TEAD1: variants seen among roughly 807,000 people sequenced by gnomAD.
The protein encoded by TEAD1 is TEA domain transcription factor 1.
In TEAD1, 9 loss-of-function variants were observed where a neutral mutation model predicts 54.9. That is an observed-to-expected ratio of 0.16 (90% CI 0.10 to 0.29). The LOEUF is 0.29. TEAD1 is among the 10% of genes least tolerant of loss of function. TEAD1 has a pLI of 1.00. For synonymous variants in TEAD1, 200 were observed against 187.8 expected (o/e 1.07, Z -0.53); for missense variants, 387 against 535.9 (o/e 0.72, Z 2.74).
intron 2 of TEAD1, among the ~76,000 whole-genome samples, chr11:12,757,850 G>T (rs1945014449): frequency 6.6e-6 from 1 of 152,062 alleles, no homozygotes; most frequent in African/African-American, 2.4e-5. Flanking sequence ...CCTGATCTTG[G>T]CTCACTGCTA....
At chr11:12,675,078 C>T (rs991337212) in intron 1 of TEAD1, among the ~76,000 whole-genome samples, 12 of 146,610 alleles carry the variant, frequency 8.2e-5, no homozygotes, top group African/African-American at 2.4e-4. Flanking sequence ...GCGCTGGGAG[C>T]CCGCGCGGCA....
chr11:12,722,519 A>G (rs1205149196), intron 2 of TEAD1, among the ~76,000 whole-genome samples: 2 of 152,218 alleles, frequency 1.3e-5, no homozygotes, highest in South Asian at 2.1e-4. Flanking sequence ...AGAGTATAGG[A>G]TAGAGACTCT....
intron 11 of TEAD1, among the ~76,000 whole-genome samples, chr11:12,929,042 G>T (rs1260676014): frequency 4.6e-5 from 7 of 152,144 alleles, no homozygotes; most frequent in Non-Finnish European, 1.0e-4. Context: ...CTTGTTAGTT[G>T]TGGTCATTTC....
chr11:12,861,048 C>T (rs1947490256), intron 3 of TEAD1, among the ~76,000 whole-genome samples: 1 of 152,196 alleles, frequency 6.6e-6, no homozygotes, highest in African/African-American at 2.4e-5. Context: ...TGAGCTGATA[C>T]AAAGCCAGCC....
At chr11:12,752,386 A>G (rs1944893437) in intron 2 of TEAD1, among the ~76,000 whole-genome samples, 1 of 152,076 alleles carries the variant, frequency 6.6e-6, no homozygotes, top group Admixed American at 6.6e-5. Flanking sequence ...CACTGACATG[A>G]CCAGAACCTC....
chr11:12,820,027 A>C (rs980150101), intron 3 of TEAD1, among the ~76,000 whole-genome samples: 4 of 8,882 alleles, frequency 4.5e-4, no homozygotes, highest in African/African-American at 2.0e-3. Flanking sequence ...GGCCTGGGGC[A>C]GGGAGTTGTG....
chr11:12,724,490 AGAG>A (rs1414162344), intron 2 of TEAD1, among the ~76,000 whole-genome samples: 7 of 152,206 alleles, frequency 4.6e-5, no homozygotes, highest in African/African-American at 1.4e-4. Context: ...TTTGTAATGA[AGAG>A]GGGCAGGCCG....
intron 2 of TEAD1, among the ~76,000 whole-genome samples, chr11:12,714,515 C>CT (rs1944013254): frequency 6.6e-6 from 1 of 152,154 alleles, no homozygotes; most frequent in Non-Finnish European, 1.5e-5. Context: ...GTTGTTTTGG[C>CT]TTTGTTAAAT....
At chr11:12,928,377 G>T (rs1948941819) in intron 11 of TEAD1, among the ~76,000 whole-genome samples, 1 of 151,506 alleles carries the variant, frequency 6.6e-6, no homozygotes, top group Non-Finnish European at 1.5e-5. Flanking sequence ...GCCTCACTGG[G>T]CTCAAGCAAT....
chr11:12,794,351 G>A (rs1336415348), intron 3 of TEAD1, among the ~76,000 whole-genome samples: 1 of 152,172 alleles, frequency 6.6e-6, no homozygotes, highest in Non-Finnish European at 1.5e-5. Flanking sequence ...CAAATTAATG[G>A]GGCTGGAGTG....
chr11:12,866,096 G>C (rs1486988768), intron 5 of TEAD1, among the ~76,000 whole-genome samples: 1 of 152,190 alleles, frequency 6.6e-6, no homozygotes, highest in African/African-American at 2.4e-5. Flanking sequence ...TCGCTCGCAC[G>C]TGTGGCTGAT....
intron 10 of TEAD1, among the ~76,000 whole-genome samples, chr11:12,916,862 G>A (rs1948722972): frequency 6.6e-6 from 1 of 152,200 alleles, no homozygotes. Context: ...TGGGTGAGGA[G>A]GAGGAGAGGA....
chr11:12,798,728 C>T (rs773206097), intron 3 of TEAD1, among the ~76,000 whole-genome samples: 1 of 152,274 alleles, frequency 6.6e-6, no homozygotes, highest in Non-Finnish European at 1.5e-5. Flanking sequence ...CAAATCAGCA[C>T]TGGTCTTTCC....
intron 5 of TEAD1, among the ~76,000 whole-genome samples, chr11:12,872,773 G>C (rs901435756): frequency 6.6e-6 from 1 of 152,146 alleles, no homozygotes; most frequent in South Asian, 2.1e-4. Flanking sequence ...TATCCAAAAG[G>C]TTATCTAGTG....
chr11:12,754,443 C>G (rs1343414886), intron 2 of TEAD1, among the ~76,000 whole-genome samples: 1 of 152,148 alleles, frequency 6.6e-6, no homozygotes, highest in Non-Finnish European at 1.5e-5. Context: ...TAAAGGCAGA[C>G]CAGATCTGAC....
At chr11:12,904,765 A>G (rs1852968145) in intron 10 of TEAD1, 2 of 230,496 alleles carry the variant, frequency 8.7e-6, no homozygotes, top group South Asian at 1.1e-4. Flanking sequence ...GAAAATATAG[A>G]TATAACCTGT....
chr11:12,840,878 T>C (rs1340689088), intron 3 of TEAD1, among the ~76,000 whole-genome samples: 1 of 152,218 alleles, frequency 6.6e-6, no homozygotes, highest in African/African-American at 2.4e-5. Context: ...ATTGCTTTTA[T>C]AGGGAGAGTT....
chr11:12,812,623 T>C (rs750794108), intron 3 of TEAD1, among the ~76,000 whole-genome samples: 4 of 152,218 alleles, frequency 2.6e-5, no homozygotes, highest in African/African-American at 7.2e-5. Flanking sequence ...AGATAGAATA[T>C]CTAATATAAA....
chr11:12,912,605 A>G (rs1948636777), intron 10 of TEAD1, among the ~76,000 whole-genome samples: 2 of 152,268 alleles, frequency 1.3e-5, no homozygotes, highest in African/African-American at 2.4e-5. Context: ...TCACTTCAAA[A>G]GACCATACCT....
Sources: gnomAD v4.1 joint callset for allele counts (sites outside exome capture counted in the v4.1 genomes callset) on GRCh38, gnomAD v4.1.1 for gene constraint, MANE v1.5 for transcripts, NCBI Gene and HGNC (gene_info 2026-07-23, HGNC 2026-07-21) for gene names.